The following CALD1 variants were observed in gnomAD, a reference collection of about 807,000 sequenced individuals.
CALD1 encodes caldesmon 1, also known as caldesmon.
CALD1 carries 33 observed loss-of-function variants against 99.9 expected under a neutral mutation model. That is an observed-to-expected ratio of 0.33 (90% CI 0.25 to 0.44). CALD1 has a LOEUF of 0.44. Ranked by LOEUF, CALD1 falls within the 20% of genes least tolerant of loss-of-function variation. The pLI is 1.00. For missense variants in CALD1, 861 were observed against 962.1 expected, an observed-to-expected ratio of 0.89 and a Z score of 1.39; for synonymous variants, 310 against 325.0, an observed-to-expected ratio of 0.95 and a Z score of 0.50.
intron 1 of CALD1, among the ~76,000 whole-genome samples, chr7:134,771,539 C>A (rs1585905481): frequency 6.6e-6 from 1 of 152,230 alleles, no homozygotes; most frequent in African/African-American, 2.4e-5. Context: ...CCCACAACAG[C>A]ACCTGTCACC....
At chr7:134,820,442 G>A (rs1798729880) in intron 1 of CALD1, among the ~76,000 whole-genome samples, 1 of 152,168 alleles carries the variant, frequency 6.6e-6, no homozygotes, top group Non-Finnish European at 1.5e-5. Context: ...AATGCTTCCG[G>A]TCTAAAAGCT....
chr7:134,777,190 T>TA (rs1263081121), upstream of CALD1, among the ~76,000 whole-genome samples: 1 of 152,116 alleles, frequency 6.6e-6, no homozygotes, highest in Non-Finnish European at 1.5e-5. Flanking sequence ...CTTGATTGTT[T>TA]AAAAAAAGTA....
chr7:134,958,351 A>C (rs1011383487), intron 11 of CALD1, 61 bp downstream of exon 11: 2 of 1,315,994 alleles, frequency 1.5e-6, no homozygotes, highest in Non-Finnish European at 2.2e-6. Context: ...ACTACATAGA[A>C]GAGCATAAAA....
intron 2 of CALD1, among the ~76,000 whole-genome samples, chr7:134,855,719 C>G (rs575663772): frequency 5.9e-5 from 9 of 152,106 alleles, no homozygotes; most frequent in African/African-American, 2.2e-4. Flanking sequence ...TTACTTAATA[C>G]AAAATTGCTT....
intron 8 of CALD1, among the ~76,000 whole-genome samples, chr7:134,949,367 A>G (rs1807156896): frequency 6.6e-6 from 1 of 152,036 alleles, no homozygotes; most frequent in African/African-American, 2.4e-5. Flanking sequence ...ACTACCAAAG[A>G]CTGCATTAAA....
intron 2 of CALD1, among the ~76,000 whole-genome samples, chr7:134,862,776 A>T (rs932126068): frequency 1.1e-4 from 17 of 152,250 alleles, no homozygotes; most frequent in African/African-American, 4.1e-4. Context: ...CAAATGTACC[A>T]CACTACTGCA....
chr7:134,769,196 T>C (rs1447380934), intron 1 of CALD1, among the ~76,000 whole-genome samples: 1 of 152,116 alleles, frequency 6.6e-6, no homozygotes, highest in Non-Finnish European at 1.5e-5. Context: ...TTTTTACTAC[T>C]GCAAACAATG....
At chr7:134,922,663 C>T (rs548456457) in intron 3 of CALD1, among the ~76,000 whole-genome samples, 1 of 152,334 alleles carries the variant, frequency 6.6e-6, no homozygotes, top group Admixed American at 6.5e-5. Context: ...GCTACGGAAG[C>T]TTCTGCAAGT....
intron 1 of CALD1, among the ~76,000 whole-genome samples, chr7:134,840,986 G>A (rs1321782727): frequency 6.6e-6 from 1 of 152,154 alleles, no homozygotes; most frequent in Non-Finnish European, 1.5e-5. Context: ...AGGTGGACTT[G>A]AAAAGCAACA....
intron 3 of CALD1, among the ~76,000 whole-genome samples, chr7:134,895,338 G>GTA (rs1802496067): frequency 6.8e-6 from 1 of 146,036 alleles, no homozygotes. Context: ...GTGTGTGTGT[G>GTA]TGTGTATGTA....
At chr7:134,733,546 A>C in the CALD1 span, among the ~76,000 whole-genome samples, 46,692 of 151,808 alleles carry the variant, frequency 0.31, 7,928 homozygotes, top group East Asian at 0.6. Flanking sequence ...CGGTGGCTCA[A>C]GCCTGTAATC....
Position 134,812,838 on chromosome 7 carries a change from A to C in CALD1, c.-129-31046A>C, listed in dbSNP as rs115039929. Among the ~76,000 whole-genome samples the C allele has an allele frequency of 6.3e-3, 960 of 152,286 alleles. 14 individuals carry two copies. Among genetic ancestry groups the C allele is most frequent in the African/African-American group, 0.022 (909 of 41,560 alleles). ...ATTTTTTTGGGAGTCAGGCATTTGC[A>C]TGGTATTTAATGCCAAGAGACAAGA... On this transcript the variant is annotated intron_variant, in intron 1 of 14. Transcript: ENST00000361675.
At chr7:134,772,986 G>A (rs557865115) in intron 1 of CALD1, among the ~76,000 whole-genome samples, 2 of 152,278 alleles carry the variant, frequency 1.3e-5, no homozygotes, top group South Asian at 4.1e-4. Flanking sequence ...TCACTCCAAA[G>A]TATTATTCCC....
In CALD1 at chr7:134,969,365, G is replaced by C. The variant is rs1485318758; in HGVS notation, c.*1020G>C. 6.6e-6 allele frequency: 1 copy of C among 152,146 alleles called. No homozygotes were observed. The highest frequency in any genetic ancestry group is 1.5e-5 in the Non-Finnish European group (1 of 68,018). 9.4% of individuals were successfully genotyped at this position (152,146 alleles called of 1,614,324 possible). On this transcript the variant is annotated 3_prime_UTR_variant, in exon 15 of 15. Transcript: ENST00000361675. ...GAAGTCCAGTGTGAATTTTATTAATGCTATCATCTCGACCAAGCTCAAAGC... is the reference window on the plus strand; with the variant it reads ...GAAGTCCAGTGTGAATTTTATTAATCCTATCATCTCGACCAAGCTCAAAGC...
chr7:134,768,123 CT>C (rs1195826389), intron 1 of CALD1, among the ~76,000 whole-genome samples: 2 of 152,184 alleles, frequency 1.3e-5, no homozygotes, highest in African/African-American at 4.8e-5. Context: ...GAGACAGAGA[CT>C]TCCTATAGGA....
chr7:134,845,592 G>C (rs1799819122), intron 2 of CALD1, among the ~76,000 whole-genome samples: 1 of 152,208 alleles, frequency 6.6e-6, no homozygotes, highest in Non-Finnish European at 1.5e-5. Flanking sequence ...TGAGTTTGAA[G>C]CCTGTGGGAC....
At chr7:134,853,872 A>AC (rs200380413) in intron 2 of CALD1, among the ~76,000 whole-genome samples, 9 of 38,270 alleles carry the variant, frequency 2.4e-4, no homozygotes, top group Admixed American at 4.6e-4. Flanking sequence ...CCCCACCCCC[A>AC]CCCCGACAGG....
At chr7:134,914,628 C>A (rs548254998) in intron 3 of CALD1, among the ~76,000 whole-genome samples, 1 of 152,326 alleles carries the variant, frequency 6.6e-6, no homozygotes, top group African/African-American at 2.4e-5. Flanking sequence ...CCCTTCATGC[C>A]TTCCAAGCCC....
At chr7:134,733,472 C>A in the CALD1 span, among the ~76,000 whole-genome samples, 6 of 152,262 alleles carry the variant, frequency 3.9e-5, no homozygotes, top group East Asian at 1.2e-3. Flanking sequence ...ATATTTTGTA[C>A]GTCTTTTTAT....
Sources: gnomAD v4.1 joint callset for allele counts (sites outside exome capture counted in the v4.1 genomes callset) on GRCh38, gnomAD v4.1.1 for gene constraint, MANE v1.5 for transcripts, NCBI Gene and HGNC (gene_info 2026-07-23, HGNC 2026-07-21) for gene names.